The following HDAC9 variants were observed in gnomAD, a reference collection of about 807,000 sequenced individuals.
HDAC9 encodes the protein MEF-2 interacting transcription repressor (MITR) protein.
Under a neutral mutation model 139.4 loss-of-function variants are expected in HDAC9, and 41 were observed. The observed-to-expected ratio is 0.29, with a 90% CI of 0.23 to 0.38. HDAC9 has a LOEUF of 0.38. Ranked by LOEUF, HDAC9 falls within the 10% of genes least tolerant of loss-of-function variation. HDAC9 has a pLI of 1.00. For synonymous variants in HDAC9, 517 were observed against 476.2 expected (o/e 1.09, Z -1.12); for missense variants, 1,147 against 1,297.0 (o/e 0.88, Z 1.78).
At chr7:18,405,775 C>A (rs1787947344) in intron 1 of HDAC9, among the ~76,000 whole-genome samples, 1 of 152,162 alleles carries the variant, frequency 6.6e-6, no homozygotes, top group South Asian at 2.1e-4. Flanking sequence ...TAATAATTTG[C>A]CATCTTCAAC....
Position 18,591,645 on chromosome 7 carries a change from A to G in HDAC9, c.542+3A>G, listed in dbSNP as rs946492126. On this transcript the variant is annotated splice_donor_region_variant and intron_variant, in intron 5 of 25. Coordinates refer to ENST00000686413, the MANE Select transcript of HDAC9 (RefSeq NM_178425.4). ...CGCCATCCCAAGCTCTGGTACACGT[A>G]TGTTCAGTGTTTGGCTGTTTTCATT... 9 of 1,612,888 alleles carry G rather than the reference A, an allele frequency of 5.6e-6. No individual in the cohort carries two copies. The highest frequency in any genetic ancestry group is 1.1e-5 in the South Asian group (1 of 90,960).
intron 1 of HDAC9, among the ~76,000 whole-genome samples, chr7:18,337,471 G>T (rs370266342): frequency 1.3e-5 from 2 of 151,552 alleles, no homozygotes; most frequent in African/African-American, 4.8e-5. Context: ...CTCAGTAAGG[G>T]GAATTTATTT....
At chr7:18,993,017 C>T (rs1178450364) in intron 25 of HDAC9, among the ~76,000 whole-genome samples, 1 of 152,268 alleles carries the variant, frequency 6.6e-6, no homozygotes, top group Non-Finnish European at 1.5e-5. Flanking sequence ...AAGTGGGAAG[C>T]CCCCAGATTT....
chr7:18,615,246 G>A (rs1029950710), intron 6 of HDAC9, among the ~76,000 whole-genome samples: 9 of 152,072 alleles, frequency 5.9e-5, no homozygotes, highest in African/African-American at 1.9e-4. Flanking sequence ...CAATTAAAAG[G>A]TTTAAACTGT....
At chr7:18,449,189 G>A (rs1354434070) in intron 1 of HDAC9, among the ~76,000 whole-genome samples, 1 of 152,070 alleles carries the variant, frequency 6.6e-6, no homozygotes, top group African/African-American at 2.4e-5. Flanking sequence ...AATGTTTGTA[G>A]CAGCCCTATT....
Position 18,644,696 on chromosome 7 carries a change from T to A in HDAC9, c.938T>A (p.Leu313Gln). The change falls in exon 9 of 26, where the codon CTA (leucine) becomes CAA (glutamine). Residue 313 changes from leucine to glutamine, a missense_variant. This residue lies in a region of HDAC9 where 264 missense variants were observed against 273.8 expected (regional missense o/e 0.96). Coordinates refer to ENST00000686413, the MANE Select transcript of HDAC9 (RefSeq NM_178425.4). Reference protein sequence around the residue: ...AEQMVSQQRILIHEDSMNLLS... With the variant: ...AEQMVSQQRIQIHEDSMNLLS... ...CAAATGGTTTCACAGCAACGCATTC[T>A]AATTCATGAAGATTCCATGAACCTG... 1 of 1,611,706 alleles carries A rather than the reference T, an allele frequency of 6.2e-7. No homozygotes were observed. Among genetic ancestry groups the A allele is most frequent in the African/African-American group, 1.3e-5 (1 of 74,932 alleles).
chr7:18,778,339 A>G (rs887839822), intron 16 of HDAC9, among the ~76,000 whole-genome samples: 10 of 152,146 alleles, frequency 6.6e-5, no homozygotes, highest in Non-Finnish European at 1.3e-4. Flanking sequence ...AACCCTAACT[A>G]GAACACTGAA....
intron 1 of HDAC9, among the ~76,000 whole-genome samples, chr7:18,460,636 T>C (rs1793754191): frequency 2.0e-5 from 3 of 151,728 alleles, no homozygotes; most frequent in South Asian, 4.2e-4. Flanking sequence ...AATACAAAAT[T>C]AGCGAGGCGT....
chr7:18,199,020 C>T (rs1298950378), intron 2 of HDAC9, among the ~76,000 whole-genome samples: 3 of 152,102 alleles, frequency 2.0e-5, no homozygotes, highest in African/African-American at 7.2e-5. Flanking sequence ...TGTAAAATTT[C>T]CATCAGGAAA....
intron 7 of HDAC9, among the ~76,000 whole-genome samples, chr7:18,632,142 A>G (rs1038341197): frequency 6.6e-6 from 1 of 152,076 alleles, no homozygotes; most frequent in African/African-American, 2.4e-5. Context: ...GGGAAAAAGA[A>G]GCTCCTGTAA....
At chr7:18,605,030 G>A (rs1316432686) in intron 6 of HDAC9, among the ~76,000 whole-genome samples, 1 of 152,100 alleles carries the variant, frequency 6.6e-6, no homozygotes, top group Non-Finnish European at 1.5e-5. Flanking sequence ...TTTGATGTGA[G>A]GTTTTATGTT....
At chr7:18,300,640 C>A (rs902102262) in intron 1 of HDAC9, among the ~76,000 whole-genome samples, 1 of 152,010 alleles carries the variant, frequency 6.6e-6, no homozygotes, top group Admixed American at 6.6e-5. Flanking sequence ...AATTATCTTC[C>A]CAGTTAAATA....
intron 1 of HDAC9, among the ~76,000 whole-genome samples, chr7:18,475,130 C>G (rs370854252): frequency 1.3e-5 from 2 of 152,098 alleles, no homozygotes; most frequent in South Asian, 2.1e-4. Context: ...TAACAGAGCT[C>G]GGAAGGATCT....
chr7:18,794,871 T>C (rs1393831410), intron 17 of HDAC9, among the ~76,000 whole-genome samples: 2 of 152,244 alleles, frequency 1.3e-5, no homozygotes, highest in Non-Finnish European at 1.5e-5. Flanking sequence ...CACAGCTCTT[T>C]GATAACAAAG....
intron 2 of HDAC9, among the ~76,000 whole-genome samples, chr7:18,571,977 T>C (rs1192205345): frequency 1.3e-5 from 2 of 152,064 alleles, no homozygotes; most frequent in Middle Eastern, 3.2e-3. Context: ...ACTTTTTTTT[T>C]TTTTTCTGTC....
Position 18,762,261 on chromosome 7 carries a change from C to A in HDAC9, c.2148C>A (p.Asp716Glu), listed in dbSNP as rs1789454284. ...GTNPLDGQKL[D>E]PRILLGDDSQ... ...ACCCCCTGGACGGACAGAAGCTGGA[C>A]CCCAGGATACTCCTAGGTCTGTACG... The change falls in exon 15 of 26, where the codon GAC becomes GAA. Residue 716 changes from aspartate (D) to glutamate (E), a missense_variant. By Grantham distance (45) the Asp-to-Glu change is conservative. This residue lies in a region of HDAC9 where 407 missense variants were observed against 521.5 expected (regional missense o/e 0.78). Transcript: ENST00000686413. 1 of 1,613,510 alleles carries A rather than the reference C, an allele frequency of 6.2e-7. No individual in the cohort carries two copies. Among genetic ancestry groups the A allele is most frequent in the African/African-American group, 1.3e-5 (1 of 74,992 alleles).
At chr7:18,521,728 T>C (rs113929836) in intron 2 of HDAC9, among the ~76,000 whole-genome samples, 110 of 152,308 alleles carry the variant, frequency 7.2e-4, no homozygotes, top group African/African-American at 2.4e-3. Context: ...TTTCCAGTTT[T>C]TAGAAAAACG....
At chr7:18,918,890 T>A (rs185054215) in intron 22 of HDAC9, among the ~76,000 whole-genome samples, 83 of 152,180 alleles carry the variant, frequency 5.5e-4, no homozygotes, top group African/African-American at 1.8e-3. Context: ...GTGTTGAGAA[T>A]CACGGCCTCT....
intron 2 of HDAC9, among the ~76,000 whole-genome samples, chr7:18,576,574 A>G (rs1337248665): frequency 1.3e-5 from 2 of 151,618 alleles, no homozygotes; most frequent in Non-Finnish European, 1.5e-5. Context: ...ATGCAGGAGA[A>G]TGACTTAAAC....
Sources: allele counts gnomAD v4.1 joint callset (sites outside exome capture counted in the v4.1 genomes callset), GRCh38; gene constraint gnomAD v4.1.1; regional missense constraint gnomAD v4.1.1; transcripts MANE v1.5; gene names NCBI Gene and HGNC (gene_info 2026-07-23, HGNC 2026-07-21).